SORCS2: variants seen among roughly 807,000 people sequenced by gnomAD.
SORCS2 encodes VPS10 domain-containing receptor SorCS2.
SORCS2 carries 100 observed loss-of-function variants against 141.6 expected under a neutral mutation model. The observed-to-expected ratio is 0.71, with a 90% CI of 0.60 to 0.83. The LOEUF (loss-of-function observed/expected upper bound fraction) is 0.83. SORCS2 is among the 40% of genes least tolerant of loss of function. The pLI is 0.00. For synonymous variants in SORCS2, 789 were observed against 676.9 expected, an observed-to-expected ratio of 1.17 and a Z score of -2.57; for missense variants, 1,646 against 1,560.2, an observed-to-expected ratio of 1.05 and a Z score of -0.93.
chr4:7,687,261 T>C (rs1391271111), intron 10 of SORCS2, among the ~76,000 whole-genome samples: 1 of 152,160 alleles, frequency 6.6e-6, no homozygotes, highest in East Asian at 1.9e-4. Context: ...AGCTCCCTTC[T>C]GCAGCGCAGA....
chr4:7,719,538 C>A (rs1383763356), intron 18 of SORCS2, among the ~76,000 whole-genome samples: 1 of 152,126 alleles, frequency 6.6e-6, no homozygotes, highest in Non-Finnish European at 1.5e-5. Context: ...AGACCTGAGC[C>A]GTTCCCTGGT....
At chr4:7,332,918 G>C (rs760629887) in intron 1 of SORCS2, among the ~76,000 whole-genome samples, 3 of 152,210 alleles carry the variant, frequency 2.0e-5, no homozygotes, top group Non-Finnish European at 4.4e-5. Flanking sequence ...CCTTGGACCA[G>C]TCTCTGTTTC....
chr4:7,372,384 G>A (rs1201487311), intron 1 of SORCS2, among the ~76,000 whole-genome samples: 1 of 152,124 alleles, frequency 6.6e-6, no homozygotes, highest in Non-Finnish European at 1.5e-5. Context: ...TCAGCTCACT[G>A]CAACCTCCGT....
At chr4:7,674,591 A>T (rs1257102373) in intron 8 of SORCS2, among the ~76,000 whole-genome samples, 22 of 147,408 alleles carry the variant, frequency 1.5e-4, no homozygotes, top group African/African-American at 4.6e-4. Flanking sequence ...AAAAAAAAAA[A>T]AAAAAAAAAA....
At chr4:7,275,242 A>G (rs11726538) in intron 1 of SORCS2, among the ~76,000 whole-genome samples, 121,091 of 152,162 alleles carry the variant, frequency 0.8, 48,297 homozygotes, top group East Asian at 0.85. Flanking sequence ...AAACAAATAG[A>G]ATTGTTATGT....
At chr4:7,262,830 T>C (rs1714454588) in intron 1 of SORCS2, among the ~76,000 whole-genome samples, 1 of 152,160 alleles carries the variant, frequency 6.6e-6, no homozygotes, top group Admixed American at 6.5e-5. Context: ...CACTGCTTTT[T>C]CTTTAGGCTG....
intron 1 of SORCS2, among the ~76,000 whole-genome samples, chr4:7,324,813 A>T (rs1383419666): frequency 6.6e-6 from 1 of 152,118 alleles, no homozygotes; most frequent in Non-Finnish European, 1.5e-5. Context: ...ATCACGTGTA[A>T]GTGGAGGTGC....
intron 1 of SORCS2, among the ~76,000 whole-genome samples, chr4:7,274,211 G>A (rs2108847235): frequency 6.6e-6 from 1 of 152,360 alleles, no homozygotes; most frequent in East Asian, 1.9e-4. Context: ...TTCCCCATAG[G>A]CAGATGCTGT....
At chr4:7,695,592 G>A (rs1397935538) in intron 11 of SORCS2, among the ~76,000 whole-genome samples, 15 of 19,920 alleles carry the variant, frequency 7.5e-4, no homozygotes, top group East Asian at 4.0e-3. Flanking sequence ...GGATTGGTGG[G>A]TGGGTGGGTG....
intron 1 of SORCS2, among the ~76,000 whole-genome samples, chr4:7,351,818 C>G (rs536369307): frequency 8.5e-5 from 13 of 152,048 alleles, no homozygotes; most frequent in African/African-American, 2.9e-4. Flanking sequence ...ATCCATTCAT[C>G]CATCATCTAC....
chr4:7,690,593 G>A (rs1242182632), intron 11 of SORCS2, among the ~76,000 whole-genome samples: 2 of 152,018 alleles, frequency 1.3e-5, no homozygotes, highest in East Asian at 3.9e-4. Context: ...TGGATAGGTG[G>A]ATGGGTGAGT....
chr4:7,287,117 G>T (rs1221836885), intron 1 of SORCS2, among the ~76,000 whole-genome samples: 1 of 152,186 alleles, frequency 6.6e-6, no homozygotes, highest in African/African-American at 2.4e-5. Flanking sequence ...CTGAGGGCAG[G>T]ATTTGGGGTT....
chr4:7,496,427 G>T (rs1181869226), intron 2 of SORCS2, among the ~76,000 whole-genome samples: 1 of 35,738 alleles, frequency 2.8e-5, no homozygotes, highest in Non-Finnish European at 7.5e-5. Context: ...AGCTACTGGA[G>T]CCCCCCCCCC....
chr4:7,666,779 A>T (rs745900286), intron 7 of SORCS2, among the ~76,000 whole-genome samples: 2 of 152,124 alleles, frequency 1.3e-5, no homozygotes, highest in African/African-American at 4.8e-5. Context: ...CTCGAGGTTC[A>T]GTGATCACCT....
chr4:7,482,112 G>A lies in SORCS2; in HGVS notation c.549-49418G>A, dbSNP rs1368744127. 4.3e-5 allele frequency among the ~76,000 whole-genome samples: 2 copies of A among 46,724 alleles called. 1 individual carries two copies. The highest frequency in any genetic ancestry group is 1.9e-4 in the African/African-American group (2 of 10,524). 30.7% of individuals were successfully genotyped at this position (46,724 alleles called of 152,430 possible). On this transcript the variant is annotated intron_variant, in intron 2 of 26. Coordinates refer to ENST00000507866, the MANE Select transcript of SORCS2 (RefSeq NM_020777.3). ...CTGTTCAGACCTGTATCCCCACTGC[G>A]GACACCCCTGACGCTGTTCAGACCT...
At chr4:7,729,478 G>C in intron 22 of SORCS2, 109 bp from the exon 23 acceptor site, 1 of 1,391,834 alleles carries the variant, frequency 7.2e-7, no homozygotes, top group Non-Finnish European at 9.6e-7. Context: ...AACGGCCTGT[G>C]AGACAGGTGT....
At chr4:7,524,295 C>T (rs1049483957) in intron 2 of SORCS2, among the ~76,000 whole-genome samples, 1 of 152,142 alleles carries the variant, frequency 6.6e-6, no homozygotes, top group African/African-American at 2.4e-5. Flanking sequence ...CGCCTGGAGC[C>T]CTCAGCAGCT....
At chr4:7,425,124 G>C (rs569410583) in intron 2 of SORCS2, among the ~76,000 whole-genome samples, 2 of 152,292 alleles carry the variant, frequency 1.3e-5, no homozygotes, top group East Asian at 3.9e-4. Context: ...AGCCTCTCAC[G>C]ACCCAGAGCC....
intron 11 of SORCS2, among the ~76,000 whole-genome samples, chr4:7,690,585 G>A (rs1724178392): frequency 6.6e-6 from 1 of 151,736 alleles, no homozygotes; most frequent in African/African-American, 2.4e-5. Context: ...TAGGCAGATG[G>A]ATAGGTGGAT....
Sources: gnomAD v4.1 joint callset for allele counts (sites outside exome capture counted in the v4.1 genomes callset) on GRCh38, gnomAD v4.1.1 for gene constraint, MANE v1.5 for transcripts, NCBI Gene and HGNC (gene_info 2026-07-23, HGNC 2026-07-21) for gene names.